Variants in GAD2 observed in about 807,000 individuals in gnomAD.
GAD2 encodes glutamate decarboxylase 2.
A neutral mutation model predicts 80.1 loss-of-function variants in GAD2; 22 were observed. The observed-to-expected ratio is 0.27, with a 90% CI of 0.20 to 0.39. GAD2 has a LOEUF of 0.39. GAD2 is among the 10% of genes least tolerant of loss of function. GAD2 has a pLI of 1.00. For missense variants in GAD2, 624 were observed against 738.4 expected (o/e 0.85, Z 1.80); for synonymous variants, 274 against 256.9 (o/e 1.07, Z -0.64).
chr10:26,289,628 G>A (rs1192176571), intron 13 of GAD2, among the ~76,000 whole-genome samples: 10 of 151,376 alleles, frequency 6.6e-5, no homozygotes, highest in African/African-American at 1.7e-4. Context: ...AGTGCCTACC[G>A]TTGACTCTCC....
intron 8 of GAD2, among the ~76,000 whole-genome samples, chr10:26,263,697 A>G (rs544368032): frequency 5.3e-5 from 8 of 152,370 alleles, no homozygotes; most frequent in Non-Finnish European, 8.8e-5. Context: ...AAAAGCAAAT[A>G]TAAACAAACA....
In GAD2 at chr10:26,301,464, G is replaced by GAA. The variant is rs529644989; in HGVS notation, c.*506_*507dup. 3 of 151,780 alleles carry GAA rather than the reference G, an allele frequency of 2.0e-5. No homozygotes were observed. The East Asian group carries it at 5.8e-4, about 29-fold the overall frequency. 9.4% of individuals were successfully genotyped at this position (151,780 alleles called of 1,614,324 possible). A position where few individuals can be genotyped will look rare whatever the true frequency, so the allele number is the denominator to read the frequency against. On this transcript the variant is annotated 3_prime_UTR_variant, in exon 16 of 16. Transcript: ENST00000376261. ...TTAAATACATATAATTTTACAAAAGGAAAATATATATATTAAAAAAGATAT... is the reference window on the plus strand; with the variant it reads ...TTAAATACATATAATTTTACAAAAGGAAAAAATATATATATTAAAAAAGATAT...
chr10:26,216,774 G>T lies in GAD2; in HGVS notation c.-36G>T. On this transcript the variant is annotated 5_prime_UTR_variant, in exon 1 of 16. Coordinates refer to ENST00000376261, the MANE Select transcript of GAD2 (RefSeq NM_001134366.2). This position sits in a 1 kb window ranked among gnomAD's most constrained non-coding sequence, Gnocchi z 4.7. The stretch of plus-strand genomic sequence containing the variant: ...GCCCGAGGCAGCTCGCCCGCAGCTC[G>T]CACTCGCAGGCGACCTGCTCCAGTC... The T allele has an allele frequency of 6.3e-7, 1 of 1,579,942 alleles. No individual in the cohort carries two copies. The highest frequency in any genetic ancestry group is 8.6e-7 in the Non-Finnish European group (1 of 1,157,176).
At chr10:26,282,721 A>G (rs1423147768) in intron 12 of GAD2, among the ~76,000 whole-genome samples, 1 of 152,178 alleles carries the variant, frequency 6.6e-6, no homozygotes, top group African/African-American at 2.4e-5. Context: ...AGACTCCTCA[A>G]TGTGGGATTG....
At position 26,217,413 on chromosome 10, in the gene GAD2, G is replaced by T. The variant is rs1445150755; in HGVS notation, c.77-197G>T. ...TCCTCGGGAAACAGATAAAGGAAAT[G>T]AGGGCTGGCCCGGGCCGCCAGCCTC... On this transcript the variant is annotated intron_variant, in intron 1 of 15. Coordinates refer to ENST00000376261, the MANE Select transcript of GAD2 (RefSeq NM_001134366.2). This position sits in a 1 kb window ranked among gnomAD's most constrained non-coding sequence, Gnocchi z 4.9. Among the ~76,000 whole-genome samples the T allele has an allele frequency of 2.0e-5, 3 of 152,158 alleles. No homozygotes were observed. The highest frequency in any genetic ancestry group is 7.2e-5 in the African/African-American group (3 of 41,440).
intron 7 of GAD2, among the ~76,000 whole-genome samples, chr10:26,233,007 T>A (rs181015871): frequency 1.0e-3 from 159 of 152,296 alleles, no homozygotes; most frequent in Non-Finnish European, 2.0e-3. Context: ...ATAGTTTTTT[T>A]AATATATAAC....
Position 26,292,962 on chromosome 10 carries a change from A to G in GAD2, c.1555A>G (p.Asn519Asp). Reference sequence around the variant, plus strand: ...TCCAAGCTTGCGTACTCTGGAAGACAATGAAGAGAGAATGAGTCGCCTCTC... The same window carrying G: ...TCCAAGCTTGCGTACTCTGGAAGACGATGAAGAGAGAATGAGTCGCCTCTC... ...IPPSLRTLED[N>D]EERMSRLSKV... The change falls in exon 15 of 16, where the codon AAT (asparagine) becomes GAT (aspartate). Residue 519 changes from asparagine (N) to aspartate (D), a missense_variant. Asn to Asp is a conservative substitution (Grantham distance 23). Transcript: ENST00000376261. The G allele has an allele frequency of 6.2e-7, 1 of 1,613,858 alleles. No individual in the cohort carries two copies. The highest frequency in any genetic ancestry group is 8.5e-7 in the Non-Finnish European group (1 of 1,179,874).
In GAD2 at chr10:26,301,055, T is replaced by A. The variant is rs762885085; in HGVS notation, c.*94T>A. 6.4e-6 allele frequency: 7 copies of A among 1,093,014 alleles called. No homozygotes were observed. Among genetic ancestry groups the A allele is most frequent in the Non-Finnish European group, 9.5e-6 (7 of 739,526 alleles). The allele number at this position is 1,093,014 out of a possible 1,614,324, so 67.7% of individuals were successfully genotyped here. On this transcript the variant is annotated 3_prime_UTR_variant, in exon 16 of 16. Transcript: ENST00000376261. The stretch of plus-strand genomic sequence containing the variant: ...TATTTGTAGTTTGTTCCAAAGTAAA[T>A]CTATTTCTATATTGTGGTGTCAAAG...
intron 15 of GAD2, among the ~76,000 whole-genome samples, chr10:26,299,282 G>A (rs1408796440): frequency 6.6e-5 from 10 of 152,160 alleles, no homozygotes; most frequent in African/African-American, 1.9e-4. Flanking sequence ...TAAGTCACAT[G>A]TTCATAACAG....
At chr10:26,260,495 G>A (rs940862951) in intron 8 of GAD2, among the ~76,000 whole-genome samples, 2 of 152,054 alleles carry the variant, frequency 1.3e-5, no homozygotes, top group Non-Finnish European at 2.9e-5. Flanking sequence ...GGGTGTGATG[G>A]CGCGTGGCTG....
At chr10:26,245,898 A>C (rs1054608485) in intron 7 of GAD2, 23 bp from the exon 8 acceptor site, 2 of 1,582,490 alleles carry the variant, frequency 1.3e-6, no homozygotes, top group Non-Finnish European at 1.7e-6. Context: ...AACTAATTGC[A>C]AATATATATA....
Position 26,224,532 on chromosome 10 carries a change from A to G in GAD2, c.612-7A>G. The G allele has an allele frequency of 1.3e-6, 2 of 1,570,500 alleles. No homozygotes were observed. The highest frequency in any genetic ancestry group is 1.8e-6 in the Non-Finnish European group (2 of 1,140,250). On this transcript the variant is annotated splice_polypyrimidine_tract_variant and splice_region_variant and intron_variant, in intron 5 of 15. Coordinates refer to ENST00000376261, the MANE Select transcript of GAD2 (RefSeq NM_001134366.2). ...AGAGGTAAAATGTGGCCATTACTAC[A>G]TTTCAGGTTCACCTATGAAATTGCT...
Position 26,217,907 on chromosome 10 carries a change from G to A in GAD2, c.202G>A (p.Ala68Thr), listed in dbSNP as rs774750698. 5 of 1,610,068 alleles carry A rather than the reference G, an allele frequency of 3.1e-6. No individual in the cohort carries two copies. The highest frequency in any genetic ancestry group is 2.2e-5 in the East Asian group (1 of 44,798). The stretch of plus-strand genomic sequence containing the variant: ...CGGGAGCCAACCCCCGCGGGCCGCC[G>A]CCCGGAAGGCCGCCTGCGCCTGCGA... ...SGGSQPPRAA[A>T]RKAACACDQK... Residue 68 changes from alanine to threonine, a missense_variant, in exon 3 of 16, where the codon GCC becomes ACC. Physicochemically the swap from Ala to Thr is moderately conservative, Grantham distance 58. Coordinates refer to ENST00000376261, the MANE Select transcript of GAD2 (RefSeq NM_001134366.2). This position sits in a 1 kb window ranked among gnomAD's most constrained non-coding sequence, Gnocchi z 4.9.
chr10:26,270,644 T>C lies in GAD2; in HGVS notation c.980T>C (p.Phe327Ser). The change falls in exon 10 of 16, where the codon TTT (phenylalanine) becomes TCT (serine). Residue 327 changes from phenylalanine (F) to serine (S), a missense_variant. By Grantham distance (155) the Phe-to-Ser change is radical (BLOSUM62 -2). Transcript: ENST00000376261. ...RRILEAKQKG[F>S]VPFLVSATAG... is the part of the protein sequence containing the mutation. ...GGGGCTTTCTCGTTCGCACAGGGGT[T>C]TGTTCCTTTCCTCGTGAGTGCCACA... 6.2e-7 allele frequency: 1 copy of C among 1,611,924 alleles called. No homozygotes were observed. The highest frequency in any genetic ancestry group is 1.1e-5 in the South Asian group (1 of 91,052).
chr10:26,294,785 G>A (rs142474214), intron 15 of GAD2, among the ~76,000 whole-genome samples: 9 of 152,284 alleles, frequency 5.9e-5, no homozygotes, highest in African/African-American at 1.4e-4. Context: ...TAAGATGATC[G>A]GTGCAGGCAA....
At chr10:26,295,141 T>C (rs997816211) in intron 15 of GAD2, among the ~76,000 whole-genome samples, 8 of 152,114 alleles carry the variant, frequency 5.3e-5, no homozygotes, top group African/African-American at 1.9e-4. Flanking sequence ...CTTTTAAATA[T>C]CACTCTTCAA....
chr10:26,218,768 G>C (rs1239588289), intron 3 of GAD2, among the ~76,000 whole-genome samples: 1 of 152,042 alleles, frequency 6.6e-6, no homozygotes, highest in East Asian at 1.9e-4. Context: ...GATAAACGGA[G>C]GTACACGCTC....
intron 15 of GAD2, among the ~76,000 whole-genome samples, chr10:26,299,454 A>G (rs1197377123): frequency 6.6e-6 from 1 of 152,200 alleles, no homozygotes; most frequent in African/African-American, 2.4e-5. Context: ...CAGATATTAT[A>G]TATTTACAAA....
At position 26,303,369 on chromosome 10, in the gene GAD2, C is replaced by T. The variant is rs1032307251; in HGVS notation, c.*2408C>T. On this transcript the variant is annotated 3_prime_UTR_variant, in exon 16 of 16. Transcript: ENST00000376261. ...GCCCAAAGAAGGAAGCAAATAAAAG[C>T]CTAGTAGGTCCCAGTAGTTTAATAA... 6.6e-6 allele frequency: 1 copy of T among 150,376 alleles called. No homozygotes were observed. Among genetic ancestry groups the T allele is most frequent in the Non-Finnish European group, 1.5e-5 (1 of 67,712 alleles). 9.3% of individuals were successfully genotyped at this position (150,376 alleles called of 1,614,324 possible).
Sources: allele counts gnomAD v4.1 joint callset (sites outside exome capture counted in the v4.1 genomes callset), GRCh38; gene constraint gnomAD v4.1.1; non-coding constraint Gnocchi (gnomAD v3.1); transcripts MANE v1.5; gene names NCBI Gene and HGNC (gene_info 2026-07-23, HGNC 2026-07-21).